FZD3: variants seen among roughly 807,000 people sequenced by gnomAD.
The protein encoded by FZD3 is frizzled-3.
FZD3 carries 30 observed loss-of-function variants against 60.7 expected under a neutral mutation model. That is an observed-to-expected ratio of 0.49 (90% CI 0.37 to 0.67). The LOEUF is 0.67. Among genes scored for constraint, FZD3 ranks in the 30% least tolerant of loss-of-function variants. The pLI is 0.00. For synonymous variants in FZD3, 246 were observed against 275.2 expected (o/e 0.89, Z 1.05); for missense variants, 605 against 838.7 (o/e 0.72, Z 3.44).
intron 5 of FZD3, chr8:28,530,512 T>C (rs1013674614): frequency 3.9e-5 from 6 of 152,178 alleles, no homozygotes; most frequent in Non-Finnish European, 8.8e-5. Context: ...GTGTGGCTAC[T>C]ACATAATAAG....
Position 28,569,641 on chromosome 8 carries a change from T to A in FZD3, c.*6630T>A, listed in dbSNP as rs1364119628. 1 of 152,154 alleles carries A rather than the reference T, an allele frequency of 6.6e-6. No individual in the cohort carries two copies. Among genetic ancestry groups the A allele is most frequent in the Admixed American group, 6.5e-5 (1 of 15,278 alleles). 9.4% of individuals were successfully genotyped at this position (152,154 alleles called of 1,614,324 possible). ...TGTAAATTGATGGGATTCAGATATT[T>A]TATCAACTGTTTTTCCATTAGTGAT... On this transcript the variant is annotated 3_prime_UTR_variant, in exon 8 of 8. Coordinates refer to ENST00000240093, the MANE Select transcript of FZD3 (RefSeq NM_017412.4).
At chr8:28,552,224 T>A (rs554532246) in intron 6 of FZD3, among the ~76,000 whole-genome samples, 1 of 152,344 alleles carries the variant, frequency 6.6e-6, no homozygotes, top group East Asian at 1.9e-4. Flanking sequence ...CAGTTGTCCA[T>A]TGTTCTTCCA....
At chr8:28,521,783 G>C (rs28461309) in intron 4 of FZD3, among the ~76,000 whole-genome samples, 4 of 152,038 alleles carry the variant, frequency 2.6e-5, no homozygotes, top group African/African-American at 9.7e-5. Flanking sequence ...TTTAATTGCC[G>C]TGTAGTGGTC....
intron 3 of FZD3, among the ~76,000 whole-genome samples, chr8:28,512,234 C>A (rs1021757740): frequency 1.3e-5 from 2 of 152,148 alleles, no homozygotes; most frequent in Non-Finnish European, 2.9e-5. Context: ...ACACAGCTTT[C>A]TCATTTCTAG....
intron 3 of FZD3, among the ~76,000 whole-genome samples, chr8:28,508,010 G>C (rs1216230371): frequency 6.6e-6 from 1 of 152,082 alleles, no homozygotes; most frequent in African/African-American, 2.4e-5. Flanking sequence ...CCCTACCTCA[G>C]CCTCCAAAGT....
intron 2 of FZD3, among the ~76,000 whole-genome samples, chr8:28,501,867 CTG>C (rs1378729655): frequency 1.3e-5 from 2 of 152,096 alleles, no homozygotes; most frequent in African/African-American, 4.8e-5. Flanking sequence ...AGTGCTACAT[CTG>C]TGTTATTAAA....
chr8:28,556,149 T>G (rs1257543221), intron 7 of FZD3, among the ~76,000 whole-genome samples, 178 bp downstream of exon 7: 1 of 152,182 alleles, frequency 6.6e-6, no homozygotes, highest in Non-Finnish European at 1.5e-5. Context: ...TGTTTAGATT[T>G]GATGGAGTAA....
chr8:28,527,926 T>C lies in FZD3; in HGVS notation c.1166T>C (p.Leu389Pro). The C allele has an allele frequency of 6.2e-7, 1 of 1,614,062 alleles. No individual in the cohort carries two copies. Among genetic ancestry groups the C allele is most frequent in the Non-Finnish European group, 8.5e-7 (1 of 1,179,940 alleles). ...CTGTATGTGGTAGTTGGGGTTTCTC[T>C]CCTCTTAGCTGGCATTATATCCCTA... is the stretch of plus-strand genomic sequence containing the variant. ...LCLYVVVGVS[L>P]LLAGIISLNR... Residue 389 changes from leucine (L) to proline (P), a missense_variant, in exon 5 of 8, where the codon CTC becomes CCC. By Grantham distance (98) the Leu-to-Pro change is moderately conservative. Coordinates refer to ENST00000240093, the MANE Select transcript of FZD3 (RefSeq NM_017412.4). The surrounding 1 kb of genome is among the most constrained non-coding windows in gnomAD (Gnocchi z 5.0).
rs572542246 is a variant in FZD3, at chr8:28,494,880, G to A, written c.-391+537G>A. 1.3e-3 allele frequency among the ~76,000 whole-genome samples: 194 copies of A among 152,272 alleles called. 1 individual carries two copies. The highest frequency in any genetic ancestry group is 4.4e-3 in the African/African-American group (181 of 41,570). On this transcript the variant is annotated intron_variant, in intron 1 of 7. Transcript: ENST00000240093. ...GCCGCCAGGCTCCCGGCCCCGGCTC[G>A]GGTCAGCTTCGGGCCCACCTTTGCC...
rs1197198418 is a variant in FZD3, at chr8:28,569,287, T to C, written c.*6276T>C. ...AAATTGGCAGGATTTTTTTAATGAT[T>C]AGTAAAACTGTATTATTTTATTTTT... On this transcript the variant is annotated 3_prime_UTR_variant, in exon 8 of 8. Coordinates refer to ENST00000240093, the MANE Select transcript of FZD3 (RefSeq NM_017412.4). 1 of 151,990 alleles carries C rather than the reference T, an allele frequency of 6.6e-6. No homozygotes were observed. The highest frequency in any genetic ancestry group is 1.5e-5 in the Non-Finnish European group (1 of 67,974). 9.4% of individuals were successfully genotyped at this position (151,990 alleles called of 1,614,324 possible). A position where few individuals can be genotyped will look rare whatever the true frequency, so the allele number is the denominator to read the frequency against.
chr8:28,504,014 A>G (rs1804070954), intron 3 of FZD3, among the ~76,000 whole-genome samples: 1 of 152,210 alleles, frequency 6.6e-6, no homozygotes, highest in African/African-American at 2.4e-5. Context: ...ACGTGGTTAC[A>G]TAACATAATT....
chr8:28,549,820 A>G (rs1805371139), intron 5 of FZD3, among the ~76,000 whole-genome samples: 1 of 152,190 alleles, frequency 6.6e-6, no homozygotes, highest in African/African-American at 2.4e-5. Context: ...GCATTTATGA[A>G]GATGATCATA....
Position 28,548,860 on chromosome 8 carries a change from A to T in FZD3, c.1405-2743A>T, listed in dbSNP as rs369565911. On this transcript the variant is annotated intron_variant, in intron 5 of 7. Transcript: ENST00000240093. Reference sequence around the variant, plus strand: ...TGATAAATTATTTCTAACTAAGAACATGTTTGAAGTGGGGTGTGTTTTAAA... The same window carrying T: ...TGATAAATTATTTCTAACTAAGAACTTGTTTGAAGTGGGGTGTGTTTTAAA... 1.4e-4 allele frequency among the ~76,000 whole-genome samples: 21 copies of T among 152,332 alleles called. 1 individual carries two copies. Among genetic ancestry groups the T allele is most frequent in the African/African-American group, 4.6e-4 (19 of 41,572 alleles).
Position 28,570,693 on chromosome 8 carries a change from T to C in FZD3, c.*7682T>C, listed in dbSNP as rs78284740. 2.1e-3 allele frequency: 312 copies of C among 151,620 alleles called. 1 individual carries two copies. Among genetic ancestry groups the C allele is most frequent in the African/African-American group, 7.4e-3 (304 of 41,352 alleles). 9.4% of individuals were successfully genotyped at this position (151,620 alleles called of 1,614,324 possible). ...TCCATATCTCCGCAGAGTTCTCTGG[T>C]AGATTAAATGTTCTCTGTGCACTAG... is the stretch of plus-strand genomic sequence containing the variant. On this transcript the variant is annotated 3_prime_UTR_variant, in exon 8 of 8. Coordinates refer to ENST00000240093, the MANE Select transcript of FZD3 (RefSeq NM_017412.4).
intron 5 of FZD3, among the ~76,000 whole-genome samples, chr8:28,545,443 G>A (rs902486466): frequency 3.3e-5 from 5 of 152,200 alleles, no homozygotes; most frequent in Non-Finnish European, 7.3e-5. Context: ...TGTATAGAAA[G>A]GTTTCATGAA....
At chr8:28,533,315 G>T (rs1804927547) in intron 5 of FZD3, among the ~76,000 whole-genome samples, 1 of 151,942 alleles carries the variant, frequency 6.6e-6, no homozygotes, top group African/African-American at 2.4e-5. Context: ...GGGATAACAG[G>T]CCTGAGCCAC....
chr8:28,510,509 A>T (rs1236142231), intron 3 of FZD3, among the ~76,000 whole-genome samples: 1 of 152,194 alleles, frequency 6.6e-6, no homozygotes, highest in Non-Finnish European at 1.5e-5. Context: ...ATAGGTGGGA[A>T]ATGGTGTCTC....
At chr8:28,516,123 G>A (rs185448828) in intron 3 of FZD3, among the ~76,000 whole-genome samples, 3 of 152,238 alleles carry the variant, frequency 2.0e-5, no homozygotes, top group Admixed American at 6.5e-5. Context: ...TTTGCATATG[G>A]ATTTTCTCTT....
chr8:28,511,261 G>C (rs1804280848), intron 3 of FZD3, among the ~76,000 whole-genome samples: 1 of 152,080 alleles, frequency 6.6e-6, no homozygotes, highest in Admixed American at 6.6e-5. Flanking sequence ...GCCGAGGCAG[G>C]CGGATCACGA....
Sources: gnomAD v4.1 joint callset for allele counts (sites outside exome capture counted in the v4.1 genomes callset) on GRCh38, gnomAD v4.1.1 for gene constraint, Gnocchi (gnomAD v3.1) non-coding constraint, MANE v1.5 for transcripts, NCBI Gene and HGNC (gene_info 2026-07-23, HGNC 2026-07-21) for gene names.